The following CHRM3 variants were observed in gnomAD, a reference collection of about 807,000 sequenced individuals.
CHRM3 encodes the protein cholinergic receptor muscarinic 3, also known as muscarinic acetylcholine receptor M3.
CHRM3 carries 11 observed loss-of-function variants against 41.8 expected under a neutral mutation model. The ratio of observed to expected loss-of-function variants is 0.26; its 90% CI spans 0.17 to 0.44. The LOEUF is 0.44. Ranked by LOEUF, CHRM3 falls within the 20% of genes least tolerant of loss-of-function variation. CHRM3 has a pLI of 1.00. For synonymous variants in CHRM3, 297 were observed against 301.4 expected, an observed-to-expected ratio of 0.99 and a Z score of 0.15; for missense variants, 571 against 745.4, an observed-to-expected ratio of 0.77 and a Z score of 2.72.
intron 5 of CHRM3, among the ~76,000 whole-genome samples, chr1:239,725,176 G>A (rs1450637557): frequency 1.3e-5 from 2 of 151,804 alleles, no homozygotes; most frequent in Non-Finnish European, 2.9e-5. Context: ...TAATGGCAGT[G>A]TATTTTTCTT....
chr1:239,589,571 T>C (rs1386485568), intron 3 of CHRM3, among the ~76,000 whole-genome samples: 2 of 147,460 alleles, frequency 1.4e-5, no homozygotes, highest in African/African-American at 4.9e-5. Context: ...TGAAATTTTT[T>C]CATGAACAGT....
chr1:239,542,412 A>C (rs914368607), intron 2 of CHRM3, among the ~76,000 whole-genome samples: 6 of 152,180 alleles, frequency 3.9e-5, no homozygotes, highest in Admixed American at 6.6e-5. Context: ...AGAGAACTGA[A>C]TATCTGGCAA....
intron 5 of CHRM3, among the ~76,000 whole-genome samples, chr1:239,798,727 T>G (rs1669985893): frequency 6.6e-6 from 1 of 152,168 alleles, no homozygotes; most frequent in African/African-American, 2.4e-5. Context: ...GAAAGAAAAG[T>G]TCTTCTAGGC....
At chr1:239,772,387 G>T (rs1326064020) in intron 5 of CHRM3, among the ~76,000 whole-genome samples, 2 of 152,194 alleles carry the variant, frequency 1.3e-5, no homozygotes, top group Admixed American at 1.3e-4. Flanking sequence ...CTGACCTCAG[G>T]TGATCCGGCC....
At chr1:239,888,583 G>A (rs1678266875) in intron 6 of CHRM3, among the ~76,000 whole-genome samples, 1 of 144,596 alleles carries the variant, frequency 6.9e-6, no homozygotes, top group Non-Finnish European at 1.5e-5. Flanking sequence ...GGGCCAGAGA[G>A]TGAGACCCTG....
intron 5 of CHRM3, among the ~76,000 whole-genome samples, chr1:239,751,290 T>C (rs1665803658): frequency 6.6e-6 from 1 of 151,808 alleles, no homozygotes; most frequent in Non-Finnish European, 1.5e-5. Flanking sequence ...TCTGCTAATA[T>C]GAAGATATAT....
intron 1 of CHRM3, among the ~76,000 whole-genome samples, chr1:239,466,811 G>A (rs1175260190): frequency 1.3e-5 from 2 of 151,854 alleles, no homozygotes; most frequent in Non-Finnish European, 2.9e-5. Context: ...AAACTTATTT[G>A]GGTACATAAA....
chr1:239,742,082 G>A (rs1432036068), intron 5 of CHRM3, among the ~76,000 whole-genome samples: 1 of 74,164 alleles, frequency 1.3e-5, no homozygotes, highest in Non-Finnish European at 2.7e-5. Context: ...TATCTCTGCA[G>A]CATGCATACG....
At chr1:239,592,946 C>T (rs1285380098) in intron 3 of CHRM3, among the ~76,000 whole-genome samples, 3 of 152,040 alleles carry the variant, frequency 2.0e-5, no homozygotes, top group Non-Finnish European at 1.5e-5. Flanking sequence ...CGCTCCTCCC[C>T]CGATGCACTG....
At chr1:239,392,595 C>T (rs1659132411) in intron 1 of CHRM3, among the ~76,000 whole-genome samples, 1 of 152,212 alleles carries the variant, frequency 6.6e-6, no homozygotes, top group Non-Finnish European at 1.5e-5. Flanking sequence ...AGGTGAAATA[C>T]TTTCAGCCTG....
At chr1:239,537,502 A>G (rs1658320697) in intron 2 of CHRM3, among the ~76,000 whole-genome samples, 1 of 152,044 alleles carries the variant, frequency 6.6e-6, no homozygotes, top group Admixed American at 6.6e-5. Flanking sequence ...AACTTCTCCC[A>G]CCAGGCCCCA....
At chr1:239,811,188 G>A (rs1488897678) in intron 5 of CHRM3, among the ~76,000 whole-genome samples, 2 of 152,204 alleles carry the variant, frequency 1.3e-5, no homozygotes, top group African/African-American at 4.8e-5. Flanking sequence ...TGACTGGAGA[G>A]CAGACCCACA....
At chr1:239,773,195 CT>C (rs1365475390) in intron 5 of CHRM3, among the ~76,000 whole-genome samples, 2 of 152,090 alleles carry the variant, frequency 1.3e-5, no homozygotes, top group East Asian at 3.9e-4. Context: ...GGAGTGCATA[CT>C]TGGGTCTGCT....
chr1:239,805,936 T>C (rs939974153), intron 5 of CHRM3, among the ~76,000 whole-genome samples: 1 of 152,192 alleles, frequency 6.6e-6, no homozygotes, highest in South Asian at 2.1e-4. Flanking sequence ...ATCTTGATAG[T>C]TGCAATTTCA....
Position 239,748,807 on chromosome 1 carries a change from G to T in CHRM3, c.-147+70519G>T, listed in dbSNP as rs58217698. ...TTTTATGCAAATTCTGGTGGGCCTT[G>T]TATTTTATGTTAGCCCTTCTCTAGA... On this transcript the variant is annotated intron_variant, in intron 5 of 6. Coordinates refer to ENST00000676153, the MANE Select transcript of CHRM3 (RefSeq NM_001375978.1). The surrounding 1 kb of genome is among the most constrained non-coding windows in gnomAD (Gnocchi z 4.3). Among the ~76,000 whole-genome samples, 11,921 of 152,200 alleles carry T rather than the reference G, an allele frequency of 0.078. 1,253 individuals carry two copies. The highest frequency in any genetic ancestry group is 0.24 in the African/African-American group (9,968 of 41,506).
At chr1:239,404,719 AATATATATATATATATATATATATAT>A (rs67746016) in intron 1 of CHRM3, among the ~76,000 whole-genome samples, 17 of 97,354 alleles carry the variant, frequency 1.7e-4, no homozygotes, top group South Asian at 1.3e-3. Flanking sequence ...GCTATATCTA[AATATATATATATATATATATATATAT>A]ATATATATAT....
intron 3 of CHRM3, among the ~76,000 whole-genome samples, chr1:239,554,356 CTA>C (rs1660143039): frequency 1.3e-5 from 2 of 152,110 alleles, no homozygotes; most frequent in Non-Finnish European, 1.5e-5. Context: ...GGCCCTGGGA[CTA>C]CAAACTATAG....
At chr1:239,725,571 G>A (rs754861450) in intron 5 of CHRM3, among the ~76,000 whole-genome samples, 4 of 151,898 alleles carry the variant, frequency 2.6e-5, no homozygotes, top group Admixed American at 6.6e-5. Flanking sequence ...CTTGACAGGA[G>A]AGAGACTGTC....
At chr1:239,700,867 A>G (rs1330900011) in intron 5 of CHRM3, among the ~76,000 whole-genome samples, 2 of 152,052 alleles carry the variant, frequency 1.3e-5, no homozygotes, top group Non-Finnish European at 2.9e-5. Context: ...GCTCCTGTCT[A>G]TCATACCACC....
Sources: gnomAD v4.1 joint callset for allele counts (sites outside exome capture counted in the v4.1 genomes callset) on GRCh38, gnomAD v4.1.1 for gene constraint, Gnocchi (gnomAD v3.1) non-coding constraint, MANE v1.5 for transcripts, NCBI Gene and HGNC (gene_info 2026-07-23, HGNC 2026-07-21) for gene names.